The following SOS1 variants were observed in gnomAD, a reference collection of about 807,000 sequenced individuals.
SOS1 encodes the protein SOS Ras/Rac guanine nucleotide exchange factor 1, also known as son of sevenless homolog 1.
A neutral mutation model predicts 157.6 loss-of-function variants in SOS1; 25 were observed. That is an observed-to-expected ratio of 0.16 (90% CI 0.12 to 0.22). The LOEUF (loss-of-function observed/expected upper bound fraction) is 0.22, where lower values mean the gene tolerates loss of function less well. Ranked by LOEUF, SOS1 falls within the 10% of genes least tolerant of loss-of-function variation. The pLI is 1.00. For missense variants in SOS1, 1,237 were observed against 1,599.1 expected, an observed-to-expected ratio of 0.77 and a Z score of 3.86; for synonymous variants, 528 against 534.0, an observed-to-expected ratio of 0.99 and a Z score of 0.16.
intron 1 of SOS1, among the ~76,000 whole-genome samples, chr2:39,072,495 G>C (rs1433039293): frequency 6.6e-6 from 1 of 152,132 alleles, no homozygotes; most frequent in Non-Finnish European, 1.5e-5. Context: ...AAAGCAGTTA[G>C]AACTAAAACA....
At chr2:39,124,187 C>G (rs1037482473), upstream of SOS1, 162 of 152,480 alleles carry the variant, frequency 1.1e-3, no homozygotes, top group African/African-American at 3.6e-3. Flanking sequence ...AACAAAACAC[C>G]TATGTCCATT....
intron 1 of SOS1, among the ~76,000 whole-genome samples, chr2:39,089,007 AG>A (rs1381830819): frequency 2.6e-5 from 4 of 152,178 alleles, no homozygotes; most frequent in African/African-American, 9.7e-5. Context: ...TTTAAATAAT[AG>A]CCACCCTAAT....
rs958314779 is a variant in SOS1 at position 38,986,472 on chromosome 2, AT to A, written c.3511-158del. 2.7e-3 allele frequency among the ~76,000 whole-genome samples: 401 copies of A among 149,058 alleles called. 3 individuals carry two copies. Among genetic ancestry groups the A allele is most frequent in the Non-Finnish European group, 4.9e-3 (330 of 66,904 alleles). On this transcript the variant is annotated intron_variant, in intron 22 of 22. Coordinates refer to ENST00000402219, the MANE Select transcript of SOS1 (RefSeq NM_005633.4). ...ATGTTTTCTTTTTAATTAAAAAAAAATTTTTTTTTTTGAGACAATGCCTTGC... is the reference window on the plus strand; with the variant it reads ...ATGTTTTCTTTTTAATTAAAAAAAAATTTTTTTTTTGAGACAATGCCTTGC...
chr2:39,087,638 T>C (rs778025957), intron 1 of SOS1, among the ~76,000 whole-genome samples: 7 of 152,234 alleles, frequency 4.6e-5, no homozygotes, highest in Non-Finnish European at 8.8e-5. Context: ...GAGGATAACA[T>C]GATGATCAAA....
intron 8 of SOS1, among the ~76,000 whole-genome samples, chr2:39,027,801 C>G (rs547935995): frequency 6.6e-6 from 1 of 151,574 alleles, no homozygotes; most frequent in Non-Finnish European, 1.5e-5. Flanking sequence ...TGAGATTGTA[C>G]TTAAACTCAT....
At chr2:39,005,291 C>T (rs1424431302) in intron 17 of SOS1, among the ~76,000 whole-genome samples, 3 of 152,082 alleles carry the variant, frequency 2.0e-5, no homozygotes, top group Non-Finnish European at 4.4e-5. Flanking sequence ...GATGGGAGCA[C>T]TACTGTAATT....
intron 8 of SOS1, among the ~76,000 whole-genome samples, chr2:39,030,133 T>C (rs1427223986): frequency 1.3e-5 from 2 of 150,682 alleles, no homozygotes; most frequent in Admixed American, 6.6e-5. Context: ...ACCACTGCAA[T>C]CCAGCCTGGG....
intron 5 of SOS1, among the ~76,000 whole-genome samples, chr2:39,053,150 C>G (rs556969794): frequency 4.7e-4 from 72 of 151,592 alleles, no homozygotes; most frequent in Admixed American, 4.6e-3. Flanking sequence ...GAGACTACGT[C>G]TCAAGAAAAA....
rs1322645626 is a variant in SOS1 at position 39,036,212 on chromosome 2, T to C, written c.865-712A>G. On this transcript the variant is annotated intron_variant, in intron 6 of 22. Coordinates refer to ENST00000402219, the MANE Select transcript of SOS1 (RefSeq NM_005633.4). ...GAAAATGGTGCTCTAGATTCTAGCA[T>C]GAGCTCATTTCCATAAAGGGTAATT... Among the ~76,000 whole-genome samples the C allele has an allele frequency of 2.6e-5, 4 of 151,826 alleles. No homozygotes were observed. The East Asian group carries it at 5.8e-4, about 22-fold the overall frequency.
chr2:39,048,799 T>C (rs139697310), intron 6 of SOS1, among the ~76,000 whole-genome samples: 2 of 152,354 alleles, frequency 1.3e-5, no homozygotes, highest in East Asian at 3.9e-4. Flanking sequence ...TTGGAATTCA[T>C]TTTTGATTTG....
chr2:38,989,233 A>AAG (rs1443747255), intron 21 of SOS1, 37 bp downstream of exon 21: 4 of 1,470,780 alleles, frequency 2.7e-6, no homozygotes, highest in Non-Finnish European at 3.8e-6. Context: ...TTTAAAGCCA[A>AAG]AGCAAGAATT....
chr2:39,009,946 A>G (rs768027428), intron 15 of SOS1, among the ~76,000 whole-genome samples: 1 of 152,224 alleles, frequency 6.6e-6, no homozygotes, highest in East Asian at 1.9e-4. Flanking sequence ...TTCTAATGAC[A>G]AATATTATCA....
chr2:39,114,298 CTTTT>C (rs747826503), intron 1 of SOS1, among the ~76,000 whole-genome samples: 7 of 143,864 alleles, frequency 4.9e-5, no homozygotes, highest in Admixed American at 1.4e-4. Flanking sequence ...TTGTTCTTTT[CTTTT>C]TTTTTTTTCT....
rs1397550842 is a variant in SOS1, at chr2:38,985,483, A to G, written c.*341T>C. ...AAACTGTCATGTGGGCCTGCTGGAC[A>G]CTAGACTGTGTTTTCCATCCCTTTA... On this transcript the variant is annotated 3_prime_UTR_variant, in exon 23 of 23. Coordinates refer to ENST00000402219, the MANE Select transcript of SOS1 (RefSeq NM_005633.4). The G allele has an allele frequency of 3.9e-6, 1 of 254,196 alleles. No individual in the cohort carries two copies. The highest frequency in any genetic ancestry group is 7.8e-6 in the Non-Finnish European group (1 of 128,754). The allele number at this position is 254,196 out of a possible 1,614,324, so 15.7% of individuals were successfully genotyped here. A position where few individuals can be genotyped will look rare whatever the true frequency, so the allele number is the denominator to read the frequency against.
chr2:39,073,185 A>T (rs1257750821), intron 1 of SOS1, among the ~76,000 whole-genome samples: 1 of 152,240 alleles, frequency 6.6e-6, no homozygotes, highest in African/African-American at 2.4e-5. Flanking sequence ...TTACCCTGTC[A>T]AATCTTACGG....
intron 1 of SOS1, among the ~76,000 whole-genome samples, chr2:39,110,030 G>T (rs1422215951): frequency 7.8e-6 from 1 of 127,774 alleles, no homozygotes; most frequent in Non-Finnish European, 1.7e-5. Context: ...ATACAGTTGT[G>T]TGTGTGTGCG....
At chr2:39,089,069 T>C (rs1012875845) in intron 1 of SOS1, among the ~76,000 whole-genome samples, 3 of 152,228 alleles carry the variant, frequency 2.0e-5, no homozygotes, top group Non-Finnish European at 4.4e-5. Flanking sequence ...TCGCTAATGA[T>C]GAGTGTGCCT....
chr2:39,083,877 A>T (rs979410331), intron 1 of SOS1, among the ~76,000 whole-genome samples: 1 of 152,222 alleles, frequency 6.6e-6, no homozygotes, highest in African/African-American at 2.4e-5. Context: ...TCCCTCCAAA[A>T]TTCATATGAA....
At chr2:39,024,254 G>T in intron 8 of SOS1, 117 bp from the exon 9 acceptor site, 2 of 833,758 alleles carry the variant, frequency 2.4e-6, no homozygotes, top group Non-Finnish European at 2.0e-6. Context: ...AATTTTAAAT[G>T]TGTCATCAAA....
Sources: gnomAD v4.1 joint callset for allele counts (sites outside exome capture counted in the v4.1 genomes callset) on GRCh38, gnomAD v4.1.1 for gene constraint, MANE v1.5 for transcripts, NCBI Gene and HGNC (gene_info 2026-07-23, HGNC 2026-07-21) for gene names.